The following OR2C1 variants were observed in gnomAD, a reference collection of about 807,000 sequenced individuals.
OR2C1 encodes olfactory receptor family 2 subfamily C member 1, also known as olfactory receptor 2C1.
For synonymous variants in OR2C1, 209 were observed against 167.3 expected (o/e 1.25, Z -1.92); for missense variants, 468 against 388.3 (o/e 1.21, Z -1.73).
the OR2C1 span, among the ~76,000 whole-genome samples, chr16:3,329,921 A>AT: frequency 6.9e-6 from 1 of 144,670 alleles, no homozygotes; most frequent in Admixed American, 6.9e-5. Context: ...TGCCTGGCTA[A>AT]TTTTTGTATT....
At chr16:3,337,182 G>C in the OR2C1 span, among the ~76,000 whole-genome samples, 1 of 146,124 alleles carries the variant, frequency 6.8e-6, no homozygotes, top group Non-Finnish European at 1.5e-5. Context: ...GGAGACAGAG[G>C]CTTGCTCTGT....
chr16:3,323,283 T>G, the OR2C1 span: 1 of 870,564 alleles, frequency 1.1e-6, no homozygotes, highest in Non-Finnish European at 1.9e-6. Flanking sequence ...GGTAGCATGA[T>G]GGACCACTGA....
the OR2C1 span, among the ~76,000 whole-genome samples, chr16:3,347,074 A>G: frequency 2.0e-5 from 3 of 150,880 alleles, no homozygotes; most frequent in African/African-American, 7.3e-5. Context: ...ATGAAACCTC[A>G]TCTCTACTAA....
At chr16:3,342,163 A>G in the OR2C1 span, among the ~76,000 whole-genome samples, 2 of 152,220 alleles carry the variant, frequency 1.3e-5, no homozygotes, top group Admixed American at 1.3e-4. Context: ...AGGAGGGAGA[A>G]TCACTTGAAC....
In OR2C1 at chr16:3,356,066, C is replaced by T; in HGVS notation, c.126C>T (p.Asn42=). The T allele has an allele frequency of 6.2e-7, 1 of 1,614,182 alleles. No homozygotes were observed. The highest frequency in any genetic ancestry group is 8.5e-7 in the Non-Finnish European group (1 of 1,180,038). The change falls in exon 1 of 1, where the codon AAC becomes AAT. Residue 42 remains asparagine (N), a synonymous_variant. Transcript: ENST00000304936. ...LFSYLLTLLG[N]STIILLSRLE... is the part of the protein sequence containing the mutation. The stretch of plus-strand genomic sequence containing the variant: ...CCTATTTGCTGACCCTACTTGGGAA[C>T]TCAACCATCATCTTGCTTTCCCGCC...
At chr16:3,337,589 AT>A in the OR2C1 span, among the ~76,000 whole-genome samples, 1 of 152,034 alleles carries the variant, frequency 6.6e-6, no homozygotes, top group African/African-American at 2.4e-5. Context: ...TTCCTGTTTG[AT>A]TTTTTTTAAA....
At chr16:3,324,894 C>A in the OR2C1 span, among the ~76,000 whole-genome samples, 2 of 152,134 alleles carry the variant, frequency 1.3e-5, no homozygotes, top group Admixed American at 6.5e-5. Flanking sequence ...GTGAGTCACA[C>A]AAATTTTTTG....
chr16:3,340,014 C>CA, the OR2C1 span, among the ~76,000 whole-genome samples: 3 of 152,050 alleles, frequency 2.0e-5, no homozygotes, highest in Non-Finnish European at 4.4e-5. Flanking sequence ...TGCAGTAGCT[C>CA]ACGCCTGTAA....
chr16:3,349,896 C>G, the OR2C1 span, among the ~76,000 whole-genome samples: 3 of 150,772 alleles, frequency 2.0e-5, no homozygotes, highest in African/African-American at 7.3e-5. Context: ...AGCGAGATTC[C>G]GTCTCAAAAA....
At position 3,356,256 on chromosome 16, in the gene OR2C1, T is replaced by C; in HGVS notation, c.316T>C (p.Trp106Arg). The change falls in exon 1 of 1, where the codon TGG (tryptophan) becomes CGG (arginine). Residue 106 changes from tryptophan to arginine, a missense_variant. Transcript: ENST00000304936. ...GCITQLYVFL[W>R]LGATECILLV... Reference sequence around the variant, plus strand: ...CATAACCCAGCTCTATGTCTTCCTTTGGCTGGGGGCCACCGAGTGCATCCT... The same window carrying C: ...CATAACCCAGCTCTATGTCTTCCTTCGGCTGGGGGCCACCGAGTGCATCCT... 6.2e-7 allele frequency: 1 copy of C among 1,614,098 alleles called. No homozygotes were observed.
At chr16:3,352,005 A>G (rs1323420396), upstream of OR2C1, among the ~76,000 whole-genome samples, 16 of 151,954 alleles carry the variant, frequency 1.1e-4, no homozygotes, top group Admixed American at 1.1e-3. Flanking sequence ...ATTAGAAAAT[A>G]CATTTTAAAG....
At chr16:3,327,723 G>T in the OR2C1 span, among the ~76,000 whole-genome samples, 1 of 151,882 alleles carries the variant, frequency 6.6e-6, no homozygotes. Context: ...CAGTGGCATC[G>T]GTTAATTAGT....
the OR2C1 span, among the ~76,000 whole-genome samples, chr16:3,342,470 C>T: frequency 2.0e-5 from 3 of 152,130 alleles, no homozygotes; most frequent in Non-Finnish European, 2.9e-5. Context: ...GTAATCCCAG[C>T]ACTTTGGGAG....
chr16:3,352,207 C>A (rs983328534), upstream of OR2C1, among the ~76,000 whole-genome samples: 1 of 152,048 alleles, frequency 6.6e-6, no homozygotes, highest in African/African-American at 2.4e-5. Context: ...AGCTCCGCCT[C>A]CCAGGTTCAA....
the OR2C1 span, among the ~76,000 whole-genome samples, chr16:3,330,103 TTTTG>T: frequency 0.065 from 9,742 of 150,928 alleles, 875 homozygotes; most frequent in East Asian, 0.48. Flanking sequence ...TGTTTTTTTG[TTTTG>T]TTTGTTTGTT....
the OR2C1 span, among the ~76,000 whole-genome samples, chr16:3,342,942 T>C: frequency 6.6e-6 from 1 of 152,212 alleles, no homozygotes; most frequent in African/African-American, 2.4e-5. Flanking sequence ...GGATCTCCAG[T>C]GAATTATGCT....
At chr16:3,327,577 C>G in the OR2C1 span, among the ~76,000 whole-genome samples, 1 of 151,518 alleles carries the variant, frequency 6.6e-6, no homozygotes, top group Middle Eastern at 3.4e-3. Context: ...ATCCCAGATG[C>G]CTCGTAATGA....
the OR2C1 span, among the ~76,000 whole-genome samples, chr16:3,327,841 G>A: frequency 6.6e-6 from 1 of 151,246 alleles, no homozygotes; most frequent in African/African-American, 2.4e-5. Flanking sequence ...CACTTGCATT[G>A]GCTTTAATTT....
At chr16:3,346,804 A>G in the OR2C1 span, among the ~76,000 whole-genome samples, 165 of 151,176 alleles carry the variant, frequency 1.1e-3, 2 homozygotes, top group African/African-American at 3.9e-3. Context: ...TAATTTTTGT[A>G]TTTTTTAAGT....
Sources: gnomAD v4.1 joint callset for allele counts (sites outside exome capture counted in the v4.1 genomes callset) on GRCh38, gnomAD v4.1.1 for gene constraint, MANE v1.5 for transcripts, NCBI Gene and HGNC (gene_info 2026-07-23, HGNC 2026-07-21) for gene names.